Variants in TESK2 observed in about 807,000 individuals in gnomAD.
The protein encoded by TESK2 is dual specificity testis-specific protein kinase 2.
Under a neutral mutation model 57.1 loss-of-function variants are expected in TESK2, and 39 were observed. The ratio of observed to expected loss-of-function variants is 0.68; its 90% confidence interval spans 0.53 to 0.89. The LOEUF (loss-of-function observed/expected upper bound fraction) is 0.89. Among genes scored for constraint, TESK2 ranks in the 40% least tolerant of loss-of-function variants. TESK2 has a pLI of 0.00. For synonymous variants in TESK2, 249 were observed against 267.9 expected (o/e 0.93, Z 0.69); for missense variants, 646 against 732.1 (o/e 0.88, Z 1.36).
rs190455518 is a variant in TESK2, at chr1:45,350,173, G to A, written c.541-2173C>T. ...AAATTAAAAAAAGCGTGTGTCAAAC[G>A]TATACAATAATCATACATTCCACTC... On this transcript the variant is annotated intron_variant, in intron 5 of 10. Transcript: ENST00000372086. Among the ~76,000 whole-genome samples, 44 of 152,176 alleles carry A rather than the reference G, an allele frequency of 2.9e-4. No individual in the cohort carries two copies. In the East Asian group the frequency reaches 3.9e-3, roughly 13 times the overall value.
intron 2 of TESK2, among the ~76,000 whole-genome samples, chr1:45,426,866 A>G (rs1305526572): frequency 6.6e-6 from 1 of 152,242 alleles, no homozygotes; most frequent in Non-Finnish European, 1.5e-5. Flanking sequence ...ATCACTGATC[A>G]TCACAGAAAT....
chr1:45,421,601 C>A (rs1038406412), intron 3 of TESK2, 124 bp downstream of exon 3: 3 of 1,377,864 alleles, frequency 2.2e-6, no homozygotes, highest in South Asian at 1.4e-5. Flanking sequence ...TACCACTAAA[C>A]CCCAGCAAGA....
chr1:45,467,127 T>C (rs1329431052), intron 1 of TESK2, among the ~76,000 whole-genome samples: 1 of 152,126 alleles, frequency 6.6e-6, no homozygotes, highest in East Asian at 1.9e-4. Context: ...TTTGTTTCCT[T>C]AACGTGATGA....
chr1:45,487,626 T>C (rs1001652975), intron 1 of TESK2, among the ~76,000 whole-genome samples: 10 of 152,222 alleles, frequency 6.6e-5, no homozygotes, highest in Non-Finnish European at 1.5e-4. Flanking sequence ...CATTTCTGAT[T>C]GTCTTTTTAT....
At chr1:45,462,998 C>T (rs1652396903) in intron 1 of TESK2, among the ~76,000 whole-genome samples, 1 of 152,184 alleles carries the variant, frequency 6.6e-6, no homozygotes, top group South Asian at 2.1e-4. Context: ...TGTTTAGGAA[C>T]TTTACATAGA....
At chr1:45,385,494 ATT>A in intron 4 of TESK2, 1 of 246,302 alleles carries the variant, frequency 4.1e-6, no homozygotes. Context: ...TGGTCTGGTA[ATT>A]TGTTGCCATA....
chr1:45,411,400 C>T (rs956736818), intron 3 of TESK2, among the ~76,000 whole-genome samples: 1 of 152,128 alleles, frequency 6.6e-6, no homozygotes. Context: ...ATTTGATTCT[C>T]ATAAGGGACG....
chr1:45,486,899 C>T (rs1974271), intron 1 of TESK2, among the ~76,000 whole-genome samples: 99,216 of 148,804 alleles, frequency 0.67, 33,511 homozygotes, highest in East Asian at 0.91. Flanking sequence ...CTCGGCTAAC[C>T]GCAACCTCCA....
At chr1:45,396,464 CGAT>C (rs1160465117) in intron 3 of TESK2, among the ~76,000 whole-genome samples, 2 of 151,894 alleles carry the variant, frequency 1.3e-5, no homozygotes, top group South Asian at 2.1e-4. Flanking sequence ...GCACTGGCAA[CGAT>C]GATAATGATG....
At chr1:45,431,201 G>A (rs1379211113) in intron 2 of TESK2, among the ~76,000 whole-genome samples, 2 of 152,082 alleles carry the variant, frequency 1.3e-5, no homozygotes, top group Non-Finnish European at 2.9e-5. Context: ...GGCGGATCAC[G>A]AGGTCAGGAG....
chr1:45,360,850 C>G (rs1452714246), intron 4 of TESK2, among the ~76,000 whole-genome samples: 1 of 152,212 alleles, frequency 6.6e-6, no homozygotes, highest in Non-Finnish European at 1.5e-5. Flanking sequence ...CGGAGTCTCA[C>G]TCTGTCCCTC....
intron 2 of TESK2, among the ~76,000 whole-genome samples, chr1:45,450,563 A>C (rs1403361433): frequency 6.6e-6 from 1 of 152,154 alleles, no homozygotes; most frequent in Non-Finnish European, 1.5e-5. Context: ...TAAAAAATTA[A>C]ACTTCTAAGT....
intron 4 of TESK2, among the ~76,000 whole-genome samples, chr1:45,369,438 A>T (rs1648087204): frequency 6.6e-6 from 1 of 152,106 alleles, no homozygotes; most frequent in Admixed American, 6.5e-5. Flanking sequence ...GGTTGCAGTT[A>T]GCCGAGATTG....
chr1:45,481,886 T>C (rs1653241741), intron 1 of TESK2, among the ~76,000 whole-genome samples: 1 of 152,192 alleles, frequency 6.6e-6, no homozygotes, highest in African/African-American at 2.4e-5. Flanking sequence ...CCATTCATAG[T>C]CAACAGTAAA....
chr1:45,423,748 A>C (rs944473708), intron 2 of TESK2, among the ~76,000 whole-genome samples: 2 of 152,180 alleles, frequency 1.3e-5, no homozygotes, highest in African/African-American at 4.8e-5. Context: ...CACAGAGGAA[A>C]GTCTACTTCT....
At chr1:45,391,247 T>G (rs1217543035) in intron 3 of TESK2, among the ~76,000 whole-genome samples, 1 of 147,250 alleles carries the variant, frequency 6.8e-6, no homozygotes, top group Non-Finnish European at 1.5e-5. Context: ...AGACAGGGTC[T>G]TGCTTTGTTG....
chr1:45,481,272 G>A (rs1424548826), intron 1 of TESK2, among the ~76,000 whole-genome samples: 1 of 152,082 alleles, frequency 6.6e-6, no homozygotes, highest in African/African-American at 2.4e-5. Context: ...GGCTGAGGCA[G>A]GAGAATGGCG....
intron 3 of TESK2, among the ~76,000 whole-genome samples, chr1:45,415,639 C>G (rs1384310916): frequency 6.6e-6 from 1 of 152,206 alleles, no homozygotes; most frequent in Non-Finnish European, 1.5e-5. Context: ...CTAACATTTA[C>G]TGAGCACTTA....
chr1:45,426,003 C>T (rs1261049170), intron 2 of TESK2, among the ~76,000 whole-genome samples: 1 of 151,418 alleles, frequency 6.6e-6, no homozygotes, highest in Non-Finnish European at 1.5e-5. Flanking sequence ...AATACAAAAA[C>T]TAGCTGAGCG....
Sources: gnomAD v4.1 joint callset for allele counts (sites outside exome capture counted in the v4.1 genomes callset) on GRCh38, gnomAD v4.1.1 for gene constraint, MANE v1.5 for transcripts, NCBI Gene and HGNC (gene_info 2026-07-23, HGNC 2026-07-21) for gene names.